The following PIK3R3 variants were observed in gnomAD, a reference collection of about 807,000 sequenced individuals.
PIK3R3 encodes phosphatidylinositol 3-kinase regulatory subunit gamma.
In PIK3R3, 64 loss-of-function variants were observed where a neutral mutation model predicts 62.9. The ratio of observed to expected loss-of-function variants is 1.02; its 90% CI spans 0.83 to 1.25. PIK3R3 has a LOEUF of 1.25. Among genes scored for constraint, PIK3R3 ranks in the 50% most tolerant of loss-of-function variants. The pLI is 0.00. For missense variants in PIK3R3, 614 were observed against 561.6 expected (o/e 1.09, Z -0.94); for synonymous variants, 165 against 189.0 (o/e 0.87, Z 1.04).
the PIK3R3 span, among the ~76,000 whole-genome samples, chr1:46,143,788 G>T: frequency 6.6e-6 from 1 of 152,090 alleles, no homozygotes; most frequent in South Asian, 2.1e-4. Context: ...TGACCACCTT[G>T]AGTATTTATC....
intron 3 of PIK3R3, among the ~76,000 whole-genome samples, chr1:46,075,187 A>G (rs1649954637): frequency 6.6e-6 from 1 of 152,244 alleles, no homozygotes; most frequent in African/African-American, 2.4e-5. Flanking sequence ...ATCGCTATAT[A>G]AACAGTTCAC....
chr1:46,106,278 G>A (rs1350672936), intron 1 of PIK3R3, among the ~76,000 whole-genome samples: 4 of 152,046 alleles, frequency 2.6e-5, no homozygotes, highest in Admixed American at 1.3e-4. Flanking sequence ...AATTTTGTGT[G>A]TGTGTGTGTA....
chr1:46,137,598 T>A (rs142581348), upstream of PIK3R3, among the ~76,000 whole-genome samples: 1 of 152,358 alleles, frequency 6.6e-6, no homozygotes, highest in East Asian at 1.9e-4. Flanking sequence ...TCTGATCTTA[T>A]ACATTGTGCT....
intron 1 of PIK3R3, among the ~76,000 whole-genome samples, chr1:46,096,049 G>A (rs1470280471): frequency 1.3e-5 from 2 of 152,124 alleles, no homozygotes; most frequent in East Asian, 1.9e-4. Flanking sequence ...CTCCTAAAGC[G>A]CTGGGATTAC....
At chr1:46,099,010 C>A (rs1652404481) in intron 1 of PIK3R3, among the ~76,000 whole-genome samples, 1 of 152,124 alleles carries the variant, frequency 6.6e-6, no homozygotes, top group African/African-American at 2.4e-5. Flanking sequence ...TAGAGTGACT[C>A]TTGATGGTTA....
chr1:46,109,628 C>T (rs1477741231), intron 1 of PIK3R3, among the ~76,000 whole-genome samples: 3 of 151,988 alleles, frequency 2.0e-5, no homozygotes, highest in Non-Finnish European at 4.4e-5. Context: ...GGATTACAGG[C>T]GCCCGCCAAC....
chr1:46,097,199 G>A (rs1158237495), intron 1 of PIK3R3, among the ~76,000 whole-genome samples: 1 of 152,056 alleles, frequency 6.6e-6, no homozygotes, highest in Non-Finnish European at 1.5e-5. Flanking sequence ...CAGAATAAAG[G>A]ACAAAGACCA....
chr1:46,152,799 G>A, the PIK3R3 span, among the ~76,000 whole-genome samples: 4 of 152,138 alleles, frequency 2.6e-5, no homozygotes, highest in South Asian at 2.1e-4. Context: ...TCCTGACCTC[G>A]TGATCTGCCC....
upstream of PIK3R3, chr1:46,133,078 G>T: frequency 1.0e-6 from 1 of 985,742 alleles, no homozygotes; most frequent in Non-Finnish European, 1.2e-6. Context: ...CCTTGCTCCT[G>T]CGAAGGAGCG....
intron 5 of PIK3R3, among the ~76,000 whole-genome samples, chr1:46,063,662 C>T (rs560645255): frequency 1.9e-3 from 292 of 152,296 alleles, no homozygotes; most frequent in African/African-American, 6.5e-3. Flanking sequence ...ACTACACCTG[C>T]CACCAAAACT....
chr1:46,134,031 G>T (rs1655835318), upstream of PIK3R3, among the ~76,000 whole-genome samples: 1 of 152,084 alleles, frequency 6.6e-6, no homozygotes, highest in Non-Finnish European at 1.5e-5. Flanking sequence ...TAACTTGCTG[G>T]GGAACACTGA....
intron 1 of PIK3R3, among the ~76,000 whole-genome samples, chr1:46,090,693 T>C (rs868760828): frequency 2.0e-5 from 3 of 152,222 alleles, no homozygotes; most frequent in South Asian, 2.1e-4. Context: ...ATATTAAAAA[T>C]AAAGTTAAAA....
intron 2 of PIK3R3, among the ~76,000 whole-genome samples, chr1:46,078,508 C>A (rs922013244): frequency 6.6e-5 from 10 of 152,116 alleles, no homozygotes; most frequent in African/African-American, 2.4e-4. Context: ...CACCACTGCA[C>A]GCCAGCCTGG....
At chr1:46,087,887 T>C (rs752908944) in intron 1 of PIK3R3, among the ~76,000 whole-genome samples, 1 of 152,172 alleles carries the variant, frequency 6.6e-6, no homozygotes, top group Non-Finnish European at 1.5e-5. Context: ...TCTTCCTACA[T>C]GAGGCTACTA....
chr1:46,055,043 C>A (rs536659589), intron 7 of PIK3R3, among the ~76,000 whole-genome samples: 64 of 151,794 alleles, frequency 4.2e-4, no homozygotes, highest in African/African-American at 1.5e-3. Context: ...GCTGGGATTA[C>A]AGGCGCCCAC....
chr1:46,097,933 G>A (rs1652298804), intron 1 of PIK3R3, among the ~76,000 whole-genome samples: 1 of 148,728 alleles, frequency 6.7e-6, no homozygotes. Context: ...TATTAGGGAA[G>A]TAAAATAAAT....
the PIK3R3 span, among the ~76,000 whole-genome samples, chr1:46,173,995 G>A: frequency 9.2e-5 from 14 of 152,194 alleles, no homozygotes; most frequent in African/African-American, 3.4e-4. Context: ...TTGCATGAGT[G>A]TGAAGGCATG....
At chr1:46,092,728 T>C (rs1651755677) in intron 1 of PIK3R3, among the ~76,000 whole-genome samples, 1 of 152,120 alleles carries the variant, frequency 6.6e-6, no homozygotes, top group South Asian at 2.1e-4. Context: ...AGACCTCCAA[T>C]TTACAGCAAT....
At chr1:46,136,814 CAG>C (rs1285329593), upstream of PIK3R3, among the ~76,000 whole-genome samples, 4 of 152,176 alleles carry the variant, frequency 2.6e-5, no homozygotes, top group African/African-American at 4.8e-5. Flanking sequence ...TGTAGTAACA[CAG>C]GGGCCAACTG....
Sources: allele counts gnomAD v4.1 joint callset (sites outside exome capture counted in the v4.1 genomes callset), GRCh38; gene constraint gnomAD v4.1.1; transcripts MANE v1.5; gene names NCBI Gene and HGNC (gene_info 2026-07-23, HGNC 2026-07-21).